Variants in AKT2 observed in about 807,000 individuals in gnomAD.
The protein encoded by AKT2 is AKT serine/threonine kinase 2, also known as RAC-beta serine/threonine-protein kinase.
In AKT2, 16 loss-of-function variants were observed where a neutral mutation model predicts 58.6. That is an observed-to-expected ratio of 0.27 (90% CI 0.18 to 0.41). The LOEUF is 0.41. Among genes scored for constraint, AKT2 ranks in the 10% least tolerant of loss-of-function variants. The pLI is 1.00. For synonymous variants in AKT2, 253 were observed against 254.0 expected (o/e 1.00, Z 0.04); for missense variants, 438 against 661.0 (o/e 0.66, Z 3.70).
chr19:40,254,711 C>T (rs2145289821), intron 4 of AKT2, among the ~76,000 whole-genome samples: 1 of 152,192 alleles, frequency 6.6e-6, no homozygotes, highest in East Asian at 1.9e-4. Flanking sequence ...CGCCTGTAAT[C>T]CCAGCTACTT....
chr19:40,267,073 G>A (rs1424273692), intron 1 of AKT2, among the ~76,000 whole-genome samples: 2 of 151,986 alleles, frequency 1.3e-5, no homozygotes, highest in African/African-American at 4.8e-5. Context: ...AGTCAGGTCT[G>A]CCCCCATCTG....
chr19:40,272,262 G>T (rs1157731129), intron 1 of AKT2, among the ~76,000 whole-genome samples: 1 of 152,206 alleles, frequency 6.6e-6, no homozygotes, highest in Non-Finnish European at 1.5e-5. Context: ...TCTGGACTGG[G>T]GTCCTTGTTT....
chr19:40,284,521 C>T (rs1228773928), intron 1 of AKT2, among the ~76,000 whole-genome samples: 1 of 152,160 alleles, frequency 6.6e-6, no homozygotes. Context: ...GTGTAAACCC[C>T]CAACGCCACA....
chr19:40,275,736 C>T (rs79885362), intron 1 of AKT2, among the ~76,000 whole-genome samples: 12,438 of 129,954 alleles, frequency 0.096, 877 homozygotes, highest in East Asian at 0.31. Context: ...CGATGACTCA[C>T]GCCTGTAATC....
rs1010642995 is a variant in AKT2, at chr19:40,231,938, C to G, written c.*1934G>C. 1 of 233,296 alleles carries G rather than the reference C, an allele frequency of 4.3e-6. No homozygotes were observed. The highest frequency in any genetic ancestry group is 6.0e-5 in the East Asian group (1 of 16,608). 14.5% of individuals were successfully genotyped at this position (233,296 alleles called of 1,614,324 possible). A position where few individuals can be genotyped will look rare whatever the true frequency, so the allele number is the denominator to read the frequency against. The stretch of plus-strand genomic sequence containing the variant: ...TGGGGCAGGATAGGAATGCCCCCCT[C>G]TGAGGCTCGGCAGCCGGGTGGAATG... On this transcript the variant is annotated 3_prime_UTR_variant, in exon 14 of 14. Coordinates refer to ENST00000392038, the MANE Select transcript of AKT2 (RefSeq NM_001626.6).
rs2077394407 is a variant in AKT2, at chr19:40,279,948, G to A, written c.-85+5233C>T. ...CCCATGGCTCCCTCACAGCACTCCA[G>A]TCCCTACCCACACGTCACCTCCTCA... is the stretch of plus-strand genomic sequence containing the variant. On this transcript the variant is annotated intron_variant, in intron 1 of 13. Coordinates refer to ENST00000392038, the MANE Select transcript of AKT2 (RefSeq NM_001626.6). Among the ~76,000 whole-genome samples the A allele has an allele frequency of 2.0e-5, 3 of 152,162 alleles. No individual in the cohort carries two copies. The South Asian group carries it at 6.2e-4, about 32-fold the overall frequency.
At chr19:40,259,322 T>A (rs2145323441) in intron 2 of AKT2, among the ~76,000 whole-genome samples, 1 of 152,258 alleles carries the variant, frequency 6.6e-6, no homozygotes, top group Non-Finnish European at 1.5e-5. Flanking sequence ...CTCACAATCT[T>A]ATCCCTATTT....
In AKT2 at chr19:40,265,087, C is replaced by G. The variant is rs1324824500; in HGVS notation, c.46+135G>C. ...GGAGTCCACGAAATGGGGGCATAAGCAGCTGTGGGCCTGGGGCTGCGGAAT... is the reference window on the plus strand; with the variant it reads ...GGAGTCCACGAAATGGGGGCATAAGGAGCTGTGGGCCTGGGGCTGCGGAAT... On this transcript the variant is annotated intron_variant, in intron 2 of 13. Transcript: ENST00000392038. 3.8e-6 allele frequency: 5 copies of G among 1,318,226 alleles called. No individual in the cohort carries two copies. In the East Asian group the frequency reaches 1.3e-4, roughly 33 times the overall value. The allele number at this position is 1,318,226 out of a possible 1,614,324, so 81.7% of individuals were successfully genotyped here.
intron 1 of AKT2, among the ~76,000 whole-genome samples, chr19:40,273,868 C>A (rs2077263105): frequency 6.6e-6 from 1 of 152,146 alleles, no homozygotes; most frequent in Non-Finnish European, 1.5e-5. Context: ...GGACCTCTCC[C>A]TAGTGCCCAT....
Position 40,233,344 on chromosome 19 carries a change from A to C in AKT2, c.*528T>G. The stretch of plus-strand genomic sequence containing the variant: ...CCCAAGGGCCCCTGCCTGCCCCTGG[A>C]CATTATTGCTTTTCTGCCCCCATAG... On this transcript the variant is annotated 3_prime_UTR_variant, in exon 14 of 14. Transcript: ENST00000392038. The surrounding 1 kb of genome is among the most constrained non-coding windows in gnomAD (Gnocchi z 4.3). 2.5e-6 allele frequency: 1 copy of C among 399,278 alleles called. No homozygotes were observed. Among genetic ancestry groups the C allele is most frequent in the Middle Eastern group, 7.2e-4 (1 of 1,388 alleles). 24.7% of individuals were successfully genotyped at this position (399,278 alleles called of 1,614,324 possible). A position where few individuals can be genotyped will look rare whatever the true frequency, so the allele number is the denominator to read the frequency against.
intron 2 of AKT2, among the ~76,000 whole-genome samples, chr19:40,263,982 T>C (rs982289202): frequency 5.9e-5 from 9 of 152,320 alleles, no homozygotes; most frequent in African/African-American, 1.7e-4. Context: ...TTGCTTGTTT[T>C]TTCTCCATGG....
intron 1 of AKT2, among the ~76,000 whole-genome samples, chr19:40,271,913 G>A (rs1384805276): frequency 3.9e-5 from 6 of 152,156 alleles, no homozygotes; most frequent in African/African-American, 4.8e-5. Flanking sequence ...GCTGACAACC[G>A]CTGTCCTAAG....
chr19:40,262,475 G>A (rs1018421077), intron 2 of AKT2, among the ~76,000 whole-genome samples: 1 of 152,226 alleles, frequency 6.6e-6, no homozygotes, highest in African/African-American at 2.4e-5. Flanking sequence ...CAGAGGGCAG[G>A]TGCTCTGCTA....
rs372096668 is a variant in AKT2 at position 40,241,933 on chromosome 19, C to T, written c.573+5G>A. 39 of 1,613,632 alleles carry T rather than the reference C, an allele frequency of 2.4e-5. No homozygotes were observed. Among genetic ancestry groups the T allele is most frequent in the South Asian group, 5.5e-5 (5 of 91,092 alleles). On this transcript the variant is annotated splice_donor_5th_base_variant and intron_variant, in intron 6 of 13. Coordinates refer to ENST00000392038, the MANE Select transcript of AKT2 (RefSeq NM_001626.6). ...GCTCGCGAGCGCAATTCCCGGGGCACGCACCTTGGCAATGATGACTTCCTT... is the reference window on the plus strand; with the variant it reads ...GCTCGCGAGCGCAATTCCCGGGGCATGCACCTTGGCAATGATGACTTCCTT...
At position 40,238,335 on chromosome 19, in the gene AKT2, G is replaced by A. The variant is rs953413540; in HGVS notation, c.709-244C>T. On this transcript the variant is annotated intron_variant, in intron 8 of 13. Coordinates refer to ENST00000392038, the MANE Select transcript of AKT2 (RefSeq NM_001626.6). The surrounding 1 kb of genome is among the most constrained non-coding windows in gnomAD (Gnocchi z 5.1). ...GGTATGGGAGAGACATCCGAGACAGGAGGGAGGATGGCATGGAGGCAAAAA... is the reference window on the plus strand; with the variant it reads ...GGTATGGGAGAGACATCCGAGACAGAAGGGAGGATGGCATGGAGGCAAAAA... Among the ~76,000 whole-genome samples the A allele has an allele frequency of 2.0e-5, 3 of 152,232 alleles. No individual in the cohort carries two copies. Among genetic ancestry groups the A allele is most frequent in the Admixed American group, 1.3e-4 (2 of 15,290 alleles).
intron 6 of AKT2, chr19:40,241,602 C>G (rs1284999615): frequency 2.8e-6 from 1 of 363,574 alleles, no homozygotes; most frequent in Non-Finnish European, 5.2e-6. Context: ...CCGGCCTCCA[C>G]CTGGGATACC....
chr19:40,267,555 T>G (rs752109796), intron 1 of AKT2, among the ~76,000 whole-genome samples: 4 of 152,178 alleles, frequency 2.6e-5, no homozygotes, highest in Non-Finnish European at 5.9e-5. Flanking sequence ...GTGCTCTTTG[T>G]GCACCCTCGG....
chr19:40,242,245 C>A lies in AKT2; in HGVS notation c.442-176G>T. The A allele has an allele frequency of 1.0e-6, 1 of 993,848 alleles. No homozygotes were observed. Among genetic ancestry groups the A allele is most frequent in the Non-Finnish European group, 1.5e-6 (1 of 660,400 alleles). 61.6% of individuals were successfully genotyped at this position (993,848 alleles called of 1,614,324 possible). A position where few individuals can be genotyped will look rare whatever the true frequency, so the allele number is the denominator to read the frequency against. On this transcript the variant is annotated intron_variant, in intron 5 of 13. Coordinates refer to ENST00000392038, the MANE Select transcript of AKT2 (RefSeq NM_001626.6). This position sits in a 1 kb window ranked among gnomAD's most constrained non-coding sequence, Gnocchi z 4.3. ...GTTCTGAAGCGGCCTTCAGACCAGG[C>A]TCTGCAGGCACAGGGCCTTGGGAGG...
chr19:40,258,904 G>C (rs1358276514), intron 2 of AKT2, among the ~76,000 whole-genome samples: 1 of 152,004 alleles, frequency 6.6e-6, no homozygotes, highest in Non-Finnish European at 1.5e-5. Flanking sequence ...AAATAGAAAA[G>C]CCAATCCTCA....
Sources: allele counts gnomAD v4.1 joint callset (sites outside exome capture counted in the v4.1 genomes callset), GRCh38; gene constraint gnomAD v4.1.1; non-coding constraint Gnocchi (gnomAD v3.1); transcripts MANE v1.5; gene names NCBI Gene and HGNC (gene_info 2026-07-23, HGNC 2026-07-21).